Variants in RHOJ observed in about 807,000 individuals in gnomAD.
RHOJ encodes the protein rho-related GTP-binding protein RhoJ.
Under a neutral mutation model 23.4 loss-of-function variants are expected in RHOJ, and 11 were observed. The observed-to-expected ratio is 0.47, with a 90% CI of 0.30 to 0.78. The LOEUF (loss-of-function observed/expected upper bound fraction) is 0.78. RHOJ is among the 30% of genes least tolerant of loss of function. The probability of loss-of-function intolerance (pLI) is 0.08; values close to 1 mark genes in which losing one functional copy is unlikely to be tolerated. For synonymous variants in RHOJ, 102 were observed against 102.7 expected (o/e 0.99, Z 0.04); for missense variants, 254 against 273.4 (o/e 0.93, Z 0.50).
At chr14:63,290,805 G>A (rs1882225546) in intron 4 of RHOJ, 73 bp from the exon 5 acceptor site, 2 of 1,454,002 alleles carry the variant, frequency 1.4e-6, no homozygotes, top group Non-Finnish European at 1.9e-6. Context: ...GTGCTTGTCT[G>A]GGCAGTGAGT....
chr14:63,278,151 T>G (rs980937689), intron 2 of RHOJ, among the ~76,000 whole-genome samples: 2 of 152,182 alleles, frequency 1.3e-5, no homozygotes, highest in Non-Finnish European at 2.9e-5. Context: ...TTTTTTGTTT[T>G]GGGTTTATTT....
chr14:63,286,563 A>G (rs1882088901), intron 4 of RHOJ, among the ~76,000 whole-genome samples: 1 of 152,232 alleles, frequency 6.6e-6, no homozygotes. Flanking sequence ...AAATGTTTTC[A>G]TTAGTCCAAA....
intron 2 of RHOJ, among the ~76,000 whole-genome samples, chr14:63,271,478 T>A (rs532628170): frequency 2.4e-4 from 36 of 152,382 alleles, no homozygotes; most frequent in Non-Finnish European, 1.6e-4. Flanking sequence ...AACTGGAGTA[T>A]GTGTCAGAAT....
intron 2 of RHOJ, among the ~76,000 whole-genome samples, chr14:63,280,614 T>C (rs371549654): frequency 1.4e-4 from 22 of 152,192 alleles, no homozygotes; most frequent in African/African-American, 5.1e-4. Context: ...CATATATATG[T>C]ATATCAAACA....
intron 1 of RHOJ, among the ~76,000 whole-genome samples, chr14:63,215,507 G>C (rs148659410): frequency 6.6e-6 from 1 of 152,310 alleles, no homozygotes; most frequent in African/African-American, 2.4e-5. Flanking sequence ...ACATTAAGTA[G>C]CTGAGTATTT....
intron 1 of RHOJ, among the ~76,000 whole-genome samples, chr14:63,261,726 C>T (rs1321211797): frequency 1.3e-5 from 2 of 152,114 alleles, no homozygotes; most frequent in African/African-American, 4.8e-5. Context: ...CAGGCATGAG[C>T]CACTGCACTT....
chr14:63,227,242 G>T (rs571399684), intron 1 of RHOJ, among the ~76,000 whole-genome samples: 1 of 152,134 alleles, frequency 6.6e-6, no homozygotes, highest in Non-Finnish European at 1.5e-5. Context: ...GTGAGCCACC[G>T]CGCCCAGCCG....
At chr14:63,278,723 C>T (rs1319557053) in intron 2 of RHOJ, among the ~76,000 whole-genome samples, 2 of 152,114 alleles carry the variant, frequency 1.3e-5, no homozygotes, top group Admixed American at 1.3e-4. Context: ...TGACTCACGC[C>T]TATCATCCTA....
At chr14:63,219,220 C>T (rs1186225680) in intron 1 of RHOJ, among the ~76,000 whole-genome samples, 1 of 152,014 alleles carries the variant, frequency 6.6e-6, no homozygotes, top group Admixed American at 6.6e-5. Flanking sequence ...AACTCAGAGC[C>T]CAGAAAAGAG....
chr14:63,263,522 G>A (rs1276380424), intron 1 of RHOJ, among the ~76,000 whole-genome samples: 2 of 152,132 alleles, frequency 1.3e-5, no homozygotes, highest in African/African-American at 4.8e-5. Flanking sequence ...TAGAACGAGA[G>A]AATAAAAGGG....
At chr14:63,232,694 C>CT (rs373918863) in intron 1 of RHOJ, among the ~76,000 whole-genome samples, 6,930 of 115,636 alleles carry the variant, frequency 0.06, 426 homozygotes, top group East Asian at 0.091. Flanking sequence ...TTTTTCTTGC[C>CT]TTTTTTTTTT....
chr14:63,261,512 C>A (rs1190979000), intron 1 of RHOJ, among the ~76,000 whole-genome samples: 1 of 151,872 alleles, frequency 6.6e-6, no homozygotes, highest in Non-Finnish European at 1.5e-5. Context: ...CTCACTGCAA[C>A]CTTGATCTCC....
Position 63,281,024 on chromosome 14 carries a change from G to T in RHOJ, c.291G>T (p.Leu97Phe), listed in dbSNP as rs1168583832. 6.2e-7 allele frequency: 1 copy of T among 1,614,064 alleles called. No homozygotes were observed. The highest frequency in any genetic ancestry group is 1.1e-5 in the South Asian group (1 of 91,066). Residue 97 changes from leucine to phenylalanine, a missense_variant, in exon 3 of 5, where the codon TTG (leucine) becomes TTT (phenylalanine). Coordinates refer to ENST00000316754, the MANE Select transcript of RHOJ (RefSeq NM_020663.5). The part of the protein sequence containing the change: ...PLSYPNTDVF[L>F]ICFSVVNPAS... ...CCTACCCCAACACGGATGTGTTTTT[G>T]ATCTGCTTCTCTGTCGTAAACCCTG...
intron 1 of RHOJ, among the ~76,000 whole-genome samples, chr14:63,235,904 A>G (rs1894780614): frequency 6.6e-6 from 1 of 152,248 alleles, no homozygotes; most frequent in Non-Finnish European, 1.5e-5. Context: ...ATCTCAAAAT[A>G]TAAGTTTATA....
chr14:63,226,629 C>G (rs1008496097), intron 1 of RHOJ, among the ~76,000 whole-genome samples: 4 of 151,212 alleles, frequency 2.6e-5, no homozygotes, highest in Non-Finnish European at 4.4e-5. Context: ...ATATGTATAA[C>G]TGGAGTTCCC....
At chr14:63,219,613 C>T (rs555612507) in intron 1 of RHOJ, among the ~76,000 whole-genome samples, 17 of 152,166 alleles carry the variant, frequency 1.1e-4, no homozygotes, top group Non-Finnish European at 1.6e-4. Context: ...GTCAGGAGAT[C>T]AAGACCATCC....
rs1031784334 is a variant in RHOJ, at chr14:63,283,117, C to G, written c.403-4C>G. On this transcript the variant is annotated splice_region_variant and splice_polypyrimidine_tract_variant and intron_variant, in intron 3 of 4. Coordinates refer to ENST00000316754, the MANE Select transcript of RHOJ (RefSeq NM_020663.5). ...ATAAGTTTTCACGTGTGTTTTCTTG[C>G]CAGATTGATCTCCGTGATGACCCAA... 3 of 1,611,256 alleles carry G rather than the reference C, an allele frequency of 1.9e-6. No individual in the cohort carries two copies. The African/African-American group carries it at 4.0e-5, about 22-fold the overall frequency.
intron 1 of RHOJ, among the ~76,000 whole-genome samples, chr14:63,226,971 G>A (rs1046132674): frequency 5.3e-5 from 8 of 151,916 alleles, no homozygotes; most frequent in African/African-American, 1.9e-4. Context: ...TTTTTTTTAA[G>A]ACAGAGTTTC....
At chr14:63,233,134 A>G (rs1322821931) in intron 1 of RHOJ, among the ~76,000 whole-genome samples, 2 of 152,186 alleles carry the variant, frequency 1.3e-5, no homozygotes, top group Non-Finnish European at 2.9e-5. Flanking sequence ...AAAGAAATGG[A>G]AAAGTTGCTT....
Sources: allele counts gnomAD v4.1 joint callset (sites outside exome capture counted in the v4.1 genomes callset), GRCh38; gene constraint gnomAD v4.1.1; transcripts MANE v1.5; gene names NCBI Gene and HGNC (gene_info 2026-07-23, HGNC 2026-07-21).